The following SPATS1 variants were observed in gnomAD, a reference collection of about 807,000 sequenced individuals.
SPATS1 encodes spermatogenesis associated serine rich 1.
SPATS1 carries 23 observed loss-of-function variants against 33.6 expected under a neutral mutation model. That is an observed-to-expected ratio of 0.68 (90% CI 0.49 to 0.97). SPATS1 has a LOEUF of 0.97. Ranked by LOEUF, SPATS1 falls within the 50% of genes least tolerant of loss-of-function variation. The probability of loss-of-function intolerance (pLI) is 0.00; values close to 1 mark genes in which losing one functional copy is unlikely to be tolerated. For missense variants in SPATS1, 327 were observed against 361.0 expected, an observed-to-expected ratio of 0.91 and a Z score of 0.76; for synonymous variants, 131 against 125.6, an observed-to-expected ratio of 1.04 and a Z score of -0.29.
chr6:44,369,294 G>A (rs755629908), intron 6 of SPATS1, among the ~76,000 whole-genome samples: 32 of 152,240 alleles, frequency 2.1e-4, no homozygotes, highest in Non-Finnish European at 3.4e-4. Flanking sequence ...TGTAACCCCA[G>A]CCCTTTGAGA....
In SPATS1 at chr6:44,352,878, G is replaced by C; in HGVS notation, c.287+5G>C. ...CAGAGTGTCTGCTTACGTAGAGTAA[G>C]TAAGGGTCTGGTGCAGAGCTGTCAC... On this transcript the variant is annotated splice_donor_5th_base_variant and intron_variant, in intron 3 of 8. Coordinates refer to ENST00000674044, the MANE Select transcript of SPATS1 (RefSeq NM_001372081.1). 6.2e-7 allele frequency: 1 copy of C among 1,613,926 alleles called. No individual in the cohort carries two copies.
At chr6:44,374,025 TG>T (rs1789783857) in intron 7 of SPATS1, among the ~76,000 whole-genome samples, 1 of 152,136 alleles carries the variant, frequency 6.6e-6, no homozygotes, top group Non-Finnish European at 1.5e-5. Flanking sequence ...AGGAAAGACA[TG>T]GGGGAAGTTG....
rs1363704398 is a variant in SPATS1, at chr6:44,379,571, G to A, written c.*2508G>A. Among the ~76,000 whole-genome samples, 25 of 112,418 alleles carry A rather than the reference G, an allele frequency of 2.2e-4. No individual in the cohort carries two copies. The highest frequency in any genetic ancestry group is 3.4e-4 in the Non-Finnish European group (21 of 60,918). The allele number at this position is 112,418 out of a possible 152,430, so 73.8% of individuals were successfully genotyped here. A position where few individuals can be genotyped will look rare whatever the true frequency, so the allele number is the denominator to read the frequency against. On this transcript the variant is annotated 3_prime_UTR_variant, in exon 9 of 9. Transcript: ENST00000674044. ...CCCAAGATTGTGCCACTGCACTCCA[G>A]CCTGGGCAACAGAGTGAGACTCTGT...
chr6:44,376,090 A>G (rs1039664764), intron 7 of SPATS1, among the ~76,000 whole-genome samples: 1 of 151,816 alleles, frequency 6.6e-6, no homozygotes, highest in Admixed American at 6.5e-5. Flanking sequence ...TGGGCGATGG[A>G]GTGAGACTTT....
Position 44,361,931 on chromosome 6 carries a change from C to G in SPATS1, c.513C>G (p.Leu171=), listed in dbSNP as rs751623053. The change falls in exon 5 of 9, where the codon CTC becomes CTG. Residue 171 remains leucine, a synonymous_variant. Coordinates refer to ENST00000674044, the MANE Select transcript of SPATS1 (RefSeq NM_001372081.1). ...GKQCFFNGVF[L]GNKRSLSERT... is the part of the protein sequence containing the mutation. ...AGTGCTTCTTTAATGGAGTCTTCCTCGGCAACAAGAGGTCTCTATCAGAGA... is the reference window on the plus strand; with the variant it reads ...AGTGCTTCTTTAATGGAGTCTTCCTGGGCAACAAGAGGTCTCTATCAGAGA... The G allele has an allele frequency of 7.4e-6, 12 of 1,614,104 alleles. No homozygotes were observed. In the South Asian group the frequency reaches 7.7e-5, roughly 10 times the overall value.
Position 44,378,422 on chromosome 6 carries a change from T to C in SPATS1, c.*1359T>C, listed in dbSNP as rs1248228707. On this transcript the variant is annotated 3_prime_UTR_variant, in exon 9 of 9. Transcript: ENST00000674044. ...GTCTATGACATGAGCATGATTTATT[T>C]CCCAAAATGTTTGTTGTCTCCAGTC... 6.6e-6 allele frequency: 1 copy of C among 152,070 alleles called. No homozygotes were observed. Among genetic ancestry groups the C allele is most frequent in the Admixed American group, 6.6e-5 (1 of 15,252 alleles). 9.4% of individuals were successfully genotyped at this position (152,070 alleles called of 1,614,324 possible).
At chr6:44,355,375 G>A (rs1358484936) in intron 3 of SPATS1, among the ~76,000 whole-genome samples, 3 of 152,130 alleles carry the variant, frequency 2.0e-5, no homozygotes, top group Non-Finnish European at 2.9e-5. Context: ...TTGTCTGGAT[G>A]TACCATAGTT....
chr6:44,342,936 C>T, intron 1 of SPATS1, 160 bp from the exon 2 acceptor site: 1 of 1,238,284 alleles, frequency 8.1e-7, no homozygotes, highest in South Asian at 1.5e-5. Flanking sequence ...AACCACGAAA[C>T]GCCCAGGTGG....
At chr6:44,360,619 A>T (rs1301613198) in intron 4 of SPATS1, 49 bp downstream of exon 4, 7 of 1,608,282 alleles carry the variant, frequency 4.4e-6, no homozygotes, top group Non-Finnish European at 8.5e-7. Flanking sequence ...AGGTCTTTTC[A>T]GAAGTCTGCC....
intron 2 of SPATS1, among the ~76,000 whole-genome samples, chr6:44,346,028 C>T (rs1052631451): frequency 6.6e-6 from 1 of 152,150 alleles, no homozygotes; most frequent in African/African-American, 2.4e-5. Flanking sequence ...TGTCTCATGC[C>T]TGTAATCCCA....
intron 3 of SPATS1, among the ~76,000 whole-genome samples, chr6:44,353,987 G>A (rs1041885962): frequency 1.8e-4 from 26 of 145,022 alleles, no homozygotes; most frequent in South Asian, 4.4e-4. Flanking sequence ...GCAGTGAGCC[G>A]AGATCGCGCC....
intron 5 of SPATS1, among the ~76,000 whole-genome samples, chr6:44,364,384 T>C (rs1330880931): frequency 6.6e-6 from 1 of 152,222 alleles, no homozygotes; most frequent in Non-Finnish European, 1.5e-5. Flanking sequence ...TAAGTTTCTT[T>C]CTCCCTCCTT....
chr6:44,352,176 G>A (rs113450296), intron 2 of SPATS1, among the ~76,000 whole-genome samples: 5,999 of 152,146 alleles, frequency 0.039, 276 homozygotes, highest in African/African-American at 0.11. Flanking sequence ...TGTTGCCCAG[G>A]CTGGAGTGCA....
chr6:44,351,309 ACT>A (rs1265361186), intron 2 of SPATS1, among the ~76,000 whole-genome samples: 1 of 152,036 alleles, frequency 6.6e-6, no homozygotes, highest in African/African-American at 2.4e-5. Flanking sequence ...CGAATACTAC[ACT>A]GTTTCATATA....
At chr6:44,355,051 A>T (rs2153366531) in intron 3 of SPATS1, among the ~76,000 whole-genome samples, 1 of 152,144 alleles carries the variant, frequency 6.6e-6, no homozygotes. Flanking sequence ...AAACTCCTGG[A>T]CTCAAGTGAT....
chr6:44,360,117 A>G lies in SPATS1; in HGVS notation c.288-329A>G, dbSNP rs114655549. 4.2e-3 allele frequency among the ~76,000 whole-genome samples: 639 copies of G among 152,282 alleles called. 4 individuals are homozygous for G. Among genetic ancestry groups the G allele is most frequent in the African/African-American group, 0.015 (607 of 41,554 alleles). Reference sequence around the variant, plus strand: ...TCTGTGTTCAACTTTTTGAGGAACCACCAAATTATTTTTAAACACTTAAAA... The same window carrying G: ...TCTGTGTTCAACTTTTTGAGGAACCGCCAAATTATTTTTAAACACTTAAAA... On this transcript the variant is annotated intron_variant, in intron 3 of 8. Transcript: ENST00000674044.
chr6:44,349,923 G>A (rs1235216815), intron 2 of SPATS1, among the ~76,000 whole-genome samples: 13 of 152,130 alleles, frequency 8.5e-5, no homozygotes, highest in Non-Finnish European at 1.3e-4. Flanking sequence ...TCTATGTATT[G>A]TTGATACTTG....
intron 5 of SPATS1, among the ~76,000 whole-genome samples, chr6:44,364,951 G>C (rs1413533047): frequency 1.3e-5 from 2 of 151,908 alleles, no homozygotes; most frequent in Non-Finnish European, 2.9e-5. Context: ...CACCACTGCC[G>C]GCTAATTCTT....
intron 2 of SPATS1, among the ~76,000 whole-genome samples, chr6:44,345,212 C>G (rs547784369): frequency 6.6e-6 from 1 of 152,194 alleles, no homozygotes; most frequent in Admixed American, 6.5e-5. Context: ...TTAAGTGTCT[C>G]CAGCTCAAGT....
Sources: gnomAD v4.1 joint callset for allele counts (sites outside exome capture counted in the v4.1 genomes callset) on GRCh38, gnomAD v4.1.1 for gene constraint, MANE v1.5 for transcripts, NCBI Gene and HGNC (gene_info 2026-07-23, HGNC 2026-07-21) for gene names.